Variants in ARPC1A observed in about 807,000 individuals in gnomAD.
ARPC1A encodes the protein actin-related protein 2/3 complex subunit 1A.
ARPC1A carries 8 observed loss-of-function variants against 46.9 expected under a neutral mutation model. The observed-to-expected ratio is 0.17, with a 90% CI of 0.10 to 0.31. The LOEUF is 0.31. Ranked by LOEUF, ARPC1A falls within the 10% of genes least tolerant of loss-of-function variation. ARPC1A has a pLI of 1.00. For missense variants in ARPC1A, 286 were observed against 483.6 expected, an observed-to-expected ratio of 0.59 and a Z score of 3.83; for synonymous variants, 152 against 169.0, an observed-to-expected ratio of 0.90 and a Z score of 0.78.
In ARPC1A at chr7:99,344,399, C is replaced by A; in HGVS notation, c.276C>A (p.Ile92=). ...GTGTTTGGAAGCCAACCCTGGTGAT[C>A]CTGAGAATTAATCGCGCAGCTACTT... ...KDGVWKPTLV[I]LRINRAATFV... Residue 92 remains isoleucine (I), a synonymous_variant, in exon 4 of 10, where the codon ATC becomes ATA. Coordinates refer to ENST00000262942, the MANE Select transcript of ARPC1A (RefSeq NM_006409.4). 1 of 1,613,968 alleles carries A rather than the reference C, an allele frequency of 6.2e-7. No homozygotes were observed. Among genetic ancestry groups the A allele is most frequent in the Non-Finnish European group, 8.5e-7 (1 of 1,179,878 alleles).
At chr7:99,358,051 G>A (rs868081135) in intron 6 of ARPC1A, among the ~76,000 whole-genome samples, 57 of 152,314 alleles carry the variant, frequency 3.7e-4, no homozygotes, top group African/African-American at 1.1e-3. Context: ...GGATCATGGG[G>A]GTGATCCCTT....
intron 6 of ARPC1A, among the ~76,000 whole-genome samples, chr7:99,354,532 A>C (rs1793599995): frequency 6.6e-6 from 1 of 151,374 alleles, no homozygotes; most frequent in Non-Finnish European, 1.5e-5. Flanking sequence ...AAAAAAAAAA[A>C]AAAAAAAAAA....
At chr7:99,359,482 C>T (rs1793701177) in intron 7 of ARPC1A, 63 bp from the exon 8 acceptor site, 2 of 1,489,620 alleles carry the variant, frequency 1.3e-6, no homozygotes, top group Admixed American at 3.4e-5. Flanking sequence ...GTGGTGAACA[C>T]TCTGCCAAGG....
chr7:99,351,564 T>A (rs969293953), intron 5 of ARPC1A, among the ~76,000 whole-genome samples: 1 of 152,168 alleles, frequency 6.6e-6, no homozygotes, highest in Admixed American at 6.6e-5. Context: ...CCTGAGTTGG[T>A]GGCTGAGAGC....
chr7:99,338,120 T>C, intron 2 of ARPC1A, 61 bp from the exon 3 acceptor site: 1 of 1,279,828 alleles, frequency 7.8e-7, no homozygotes, highest in Non-Finnish European at 1.1e-6. Context: ...CTGTGACATG[T>C]CCCCTTTTTG....
At chr7:99,340,672 C>G (rs1162866377) in intron 3 of ARPC1A, among the ~76,000 whole-genome samples, 1 of 152,166 alleles carries the variant, frequency 6.6e-6, no homozygotes, top group Non-Finnish European at 1.5e-5. Flanking sequence ...TTTAGTTGGA[C>G]TCTGCAATTT....
Position 99,352,655 on chromosome 7 carries a change from TAAAA to T in ARPC1A, c.501-1242_501-1239del, listed in dbSNP as rs59352040. 1.5e-5 allele frequency among the ~76,000 whole-genome samples: 2 copies of T among 136,090 alleles called. 1 individual carries two copies. Among genetic ancestry groups the T allele is most frequent in the Admixed American group, 1.5e-4 (2 of 13,466 alleles). 89.3% of individuals were successfully genotyped at this position (136,090 alleles called of 152,430 possible). A position where few individuals can be genotyped will look rare whatever the true frequency, so the allele number is the denominator to read the frequency against. On this transcript the variant is annotated intron_variant, in intron 5 of 9. Coordinates refer to ENST00000262942, the MANE Select transcript of ARPC1A (RefSeq NM_006409.4). ...GCAACAGAGCCAGACCCCCGTCTCTTAAAAAAAAAAAAAAAGTTGGAGCGGGGGA... is the reference window on the plus strand; with the variant it reads ...GCAACAGAGCCAGACCCCCGTCTCTTAAAAAAAAAAAGTTGGAGCGGGGGA...
At chr7:99,349,989 C>T (rs947881747) in intron 5 of ARPC1A, among the ~76,000 whole-genome samples, 2 of 151,970 alleles carry the variant, frequency 1.3e-5, no homozygotes, top group Non-Finnish European at 1.5e-5. Flanking sequence ...CCAGCCTGGG[C>T]GACAGAGTAA....
At chr7:99,353,320 G>A (rs1443740452) in intron 5 of ARPC1A, among the ~76,000 whole-genome samples, 4 of 151,500 alleles carry the variant, frequency 2.6e-5, no homozygotes, top group South Asian at 2.1e-4. Context: ...CACCACACCC[G>A]GCTAATTTTC....
chr7:99,364,877 G>C (rs1793805888), intron 9 of ARPC1A, among the ~76,000 whole-genome samples: 1 of 152,182 alleles, frequency 6.6e-6, no homozygotes, highest in Non-Finnish European at 1.5e-5. Context: ...GGGCTGGGTA[G>C]GGGATTCGGC....
chr7:99,329,360 C>T (rs1793107261), intron 1 of ARPC1A, among the ~76,000 whole-genome samples: 1 of 151,882 alleles, frequency 6.6e-6, no homozygotes, highest in Admixed American at 6.6e-5. Context: ...TTTTATTTGT[C>T]CCCTTTTCTC....
chr7:99,346,776 G>A (rs759746289), intron 4 of ARPC1A, among the ~76,000 whole-genome samples: 29 of 152,186 alleles, frequency 1.9e-4, no homozygotes, highest in Admixed American at 5.2e-4. Flanking sequence ...TCAAGAGTTC[G>A]AAACCATCCT....
intron 4 of ARPC1A, among the ~76,000 whole-genome samples, chr7:99,346,971 T>C (rs1018082158): frequency 1.3e-5 from 2 of 152,170 alleles, no homozygotes; most frequent in Admixed American, 6.6e-5. Context: ...AGAGCAAGAC[T>C]CTGTCTCAAA....
At chr7:99,328,443 A>C (rs561137888) in intron 1 of ARPC1A, among the ~76,000 whole-genome samples, 1 of 152,208 alleles carries the variant, frequency 6.6e-6, no homozygotes, top group Non-Finnish European at 1.5e-5. Flanking sequence ...GCTCTGTACT[A>C]CTTGCTTTCA....
chr7:99,328,062 C>T (rs549958701), intron 1 of ARPC1A, among the ~76,000 whole-genome samples: 5 of 152,274 alleles, frequency 3.3e-5, no homozygotes, highest in African/African-American at 1.2e-4. Context: ...CTGGTGGGTT[C>T]TATGGTTGGT....
At chr7:99,349,979 C>A (rs2150868644) in intron 5 of ARPC1A, among the ~76,000 whole-genome samples, 1 of 152,246 alleles carries the variant, frequency 6.6e-6, no homozygotes, top group African/African-American at 2.4e-5. Flanking sequence ...CCACTGCACT[C>A]CAGCCTGGGC....
At chr7:99,356,605 C>CA (rs569874360) in intron 6 of ARPC1A, among the ~76,000 whole-genome samples, 13,520 of 98,572 alleles carry the variant, frequency 0.14, 1,040 homozygotes, top group African/African-American at 0.29. Context: ...GACTCTGTCT[C>CA]AAAAAAAAAA....
intron 2 of ARPC1A, among the ~76,000 whole-genome samples, chr7:99,336,481 ATTTTTTTTTTT>A (rs757908410): frequency 9.7e-6 from 1 of 103,194 alleles, no homozygotes; most frequent in African/African-American, 4.2e-5. Context: ...ATAGGTCTTA[ATTTTTTTTTTT>A]TTTTTTTTTT....
chr7:99,353,142 T>C (rs1225415126), intron 5 of ARPC1A, among the ~76,000 whole-genome samples: 2 of 151,512 alleles, frequency 1.3e-5, no homozygotes, highest in Non-Finnish European at 2.9e-5. Flanking sequence ...TGTTATGTTA[T>C]GTTATGTTAT....
Sources: gnomAD v4.1 joint callset for allele counts (sites outside exome capture counted in the v4.1 genomes callset) on GRCh38, gnomAD v4.1.1 for gene constraint, MANE v1.5 for transcripts, NCBI Gene and HGNC (gene_info 2026-07-23, HGNC 2026-07-21) for gene names.